Variants in SDK1 observed in about 807,000 individuals in gnomAD.
The protein encoded by SDK1 is protein sidekick-1.
In SDK1, 157 loss-of-function variants were observed where a neutral mutation model predicts 245.5. The observed-to-expected ratio is 0.64, with a 90% confidence interval of 0.56 to 0.73. SDK1 has a LOEUF of 0.73. Among genes scored for constraint, SDK1 ranks in the 30% least tolerant of loss-of-function variants. SDK1 has a pLI of 0.00. For synonymous variants in SDK1, 1,647 were observed against 1,278.5 expected (o/e 1.29, Z -6.15); for missense variants, 3,583 against 3,002.3 (o/e 1.19, Z -4.52).
At chr7:4,173,117 C>A (rs554642442) in intron 32 of SDK1, among the ~76,000 whole-genome samples, 1 of 152,200 alleles carries the variant, frequency 6.6e-6, no homozygotes, top group Non-Finnish European at 1.5e-5. Flanking sequence ...ACAGTGAGCC[C>A]GACACCGGAA....
intron 1 of SDK1, among the ~76,000 whole-genome samples, chr7:3,328,775 A>G (rs990389363): frequency 3.3e-5 from 5 of 152,070 alleles, no homozygotes; most frequent in African/African-American, 1.2e-4. Flanking sequence ...CCTTTTAGTG[A>G]CTGAAGTATT....
intron 1 of SDK1, among the ~76,000 whole-genome samples, chr7:3,479,285 G>A (rs1781437545): frequency 6.6e-6 from 1 of 151,844 alleles, no homozygotes; most frequent in East Asian, 1.9e-4. Flanking sequence ...AGCCAGGCCT[G>A]GTGGTGTGTG....
At chr7:3,669,043 A>G (rs2128662044) in intron 4 of SDK1, among the ~76,000 whole-genome samples, 1 of 152,348 alleles carries the variant, frequency 6.6e-6, no homozygotes, top group African/African-American at 2.4e-5. Context: ...TTTACCACTT[A>G]CCAAAGCTCT....
chr7:3,889,685 T>C (rs536355046), intron 5 of SDK1, among the ~76,000 whole-genome samples: 1 of 152,260 alleles, frequency 6.6e-6, no homozygotes, highest in South Asian at 2.1e-4. Context: ...TTTTTTTGTA[T>C]TTTTAGTAGA....
intron 32 of SDK1, among the ~76,000 whole-genome samples, chr7:4,168,821 G>C (rs1781657568): frequency 1.3e-5 from 2 of 152,128 alleles, no homozygotes. Context: ...TGATCTGTCT[G>C]CTCGCCTCTT....
At chr7:3,794,991 C>T (rs1158396207) in intron 4 of SDK1, among the ~76,000 whole-genome samples, 1 of 152,082 alleles carries the variant, frequency 6.6e-6, no homozygotes, top group East Asian at 1.9e-4. Context: ...TAAGGACGAA[C>T]TCTGTGCCAG....
chr7:4,133,122 C>T lies in SDK1; in HGVS notation c.4228+699C>T, dbSNP rs181667215. On this transcript the variant is annotated intron_variant, in intron 28 of 44. Transcript: ENST00000404826. ...TGTTCCTGGAAACATCTTTCTGCTG[C>T]AGCACTTGCACCCAATCCTTGTAAG... Among the ~76,000 whole-genome samples, 3 of 152,320 alleles carry T rather than the reference C, an allele frequency of 2.0e-5. No individual in the cohort carries two copies. The East Asian group carries it at 5.8e-4, about 29-fold the overall frequency.
intron 4 of SDK1, among the ~76,000 whole-genome samples, chr7:3,775,459 T>G (rs1177172112): frequency 6.6e-6 from 1 of 152,048 alleles, no homozygotes; most frequent in Non-Finnish European, 1.5e-5. Context: ...GAAGGCTGTT[T>G]CCCAGACCAG....
chr7:3,628,878 C>T (rs1342923915), intron 2 of SDK1, among the ~76,000 whole-genome samples: 4 of 152,100 alleles, frequency 2.6e-5, no homozygotes, highest in Admixed American at 1.3e-4. Flanking sequence ...GAGGGGATTT[C>T]TAGGCTGTGG....
rs758686951 is a variant in SDK1, at chr7:3,971,489, C to T, written c.1738C>T (p.Pro580Ser). 1 of 1,613,368 alleles carries T rather than the reference C, an allele frequency of 6.2e-7. No homozygotes were observed. The highest frequency in any genetic ancestry group is 8.5e-7 in the Non-Finnish European group (1 of 1,179,546). The part of the protein sequence containing the change: ...VWNRTSIVHP[P>S]EDHVVIKGTT... ...AGATCGGACGTCCATCGTCCACCCT[C>T]CTGAGGACCACGTGGTGATTAAGGG... The change falls in exon 12 of 45, where the codon CCT becomes TCT. Residue 580 changes from proline (P) to serine (S), a missense_variant. Coordinates refer to ENST00000404826, the MANE Select transcript of SDK1 (RefSeq NM_152744.4).
At chr7:3,624,791 A>G (rs554801324) in intron 2 of SDK1, among the ~76,000 whole-genome samples, 19 of 152,188 alleles carry the variant, frequency 1.2e-4, no homozygotes, top group Admixed American at 3.3e-4. Context: ...CACACCTGTA[A>G]TCCCAGCACT....
chr7:3,478,576 T>C (rs1267378151), intron 1 of SDK1, among the ~76,000 whole-genome samples: 2 of 152,090 alleles, frequency 1.3e-5, no homozygotes, highest in African/African-American at 2.4e-5. Context: ...TATAAGTCTT[T>C]TTGCATTTGT....
intron 1 of SDK1, among the ~76,000 whole-genome samples, chr7:3,460,961 A>G (rs529013796): frequency 6.6e-6 from 1 of 152,356 alleles, no homozygotes; most frequent in South Asian, 2.1e-4. Context: ...AAACATGAAC[A>G]TTCAAGAATA....
intron 4 of SDK1, among the ~76,000 whole-genome samples, chr7:3,790,506 T>C (rs913348201): frequency 1.6e-4 from 25 of 152,090 alleles, no homozygotes; most frequent in African/African-American, 6.0e-4. Flanking sequence ...CCAGATCACA[T>C]GGTTAAAAAG....
intron 2 of SDK1, among the ~76,000 whole-genome samples, chr7:3,637,926 GTGT>G (rs1303369818): frequency 6.6e-6 from 1 of 152,240 alleles, no homozygotes; most frequent in Non-Finnish European, 1.5e-5. Context: ...CATCCTGAAA[GTGT>G]TGTTTGCCTC....
intron 1 of SDK1, among the ~76,000 whole-genome samples, chr7:3,449,244 C>G (rs184342108): frequency 1.1e-4 from 16 of 152,110 alleles, no homozygotes; most frequent in African/African-American, 3.9e-4. Context: ...GGCAAATTGC[C>G]GATTTCACAC....
At chr7:3,377,865 G>A (rs1247543965) in intron 1 of SDK1, among the ~76,000 whole-genome samples, 1 of 151,986 alleles carries the variant, frequency 6.6e-6, no homozygotes, top group African/African-American at 2.4e-5. Context: ...TGCAACCTCC[G>A]CCTCCTGGGC....
At chr7:3,991,945 G>A (rs1055550192) in intron 14 of SDK1, among the ~76,000 whole-genome samples, 13 of 152,238 alleles carry the variant, frequency 8.5e-5, no homozygotes, top group Non-Finnish European at 4.4e-5. Context: ...GAGCCAGAAA[G>A]AACAGCTTAG....
chr7:3,928,964 C>A (rs903509321), intron 5 of SDK1, among the ~76,000 whole-genome samples: 1 of 152,348 alleles, frequency 6.6e-6, no homozygotes, highest in East Asian at 1.9e-4. Flanking sequence ...ATTTTAAGAA[C>A]ATAAAACCTG....
Sources: allele counts gnomAD v4.1 joint callset (sites outside exome capture counted in the v4.1 genomes callset), GRCh38; gene constraint gnomAD v4.1.1; transcripts MANE v1.5; gene names NCBI Gene and HGNC (gene_info 2026-07-23, HGNC 2026-07-21).